Variants in ECT2L observed in about 807,000 individuals in gnomAD.
ECT2L encodes the protein epithelial cell-transforming sequence 2 oncogene-like.
ECT2L carries 126 observed loss-of-function variants against 122.8 expected under a neutral mutation model. That is an observed-to-expected ratio of 1.03 (90% CI 0.89 to 1.19). The LOEUF (loss-of-function observed/expected upper bound fraction) is 1.19. Ranked by LOEUF, ECT2L falls within the 50% of genes most tolerant of loss-of-function variation. The pLI is 0.00. For missense variants in ECT2L, 1,012 were observed against 1,064.1 expected (o/e 0.95, Z 0.68); for synonymous variants, 385 against 381.8 (o/e 1.01, Z -0.10).
In ECT2L at chr6:138,822,626, A is replaced by G. The variant is rs1776304612; in HGVS notation, c.179+8023A>G. 5.2e-6 allele frequency: 4 copies of G among 776,630 alleles called. 1 individual carries two copies. The South Asian group carries it at 7.8e-5, about 15-fold the overall frequency. 48.1% of individuals were successfully genotyped at this position (776,630 alleles called of 1,614,324 possible). ...GAAAAAGGACTGGGTCAGCAAGAATAAAAACACAAAACAGCTGGAGGAGCC... is the reference window on the plus strand; with the variant it reads ...GAAAAAGGACTGGGTCAGCAAGAATGAAAACACAAAACAGCTGGAGGAGCC... On this transcript the variant is annotated intron_variant, in intron 4 of 21. Coordinates refer to ENST00000541398, the MANE Select transcript of ECT2L (RefSeq NM_001077706.3).
chr6:138,882,718 C>T lies in ECT2L; in HGVS notation c.1881-6C>T, dbSNP rs368214235. 8.4e-5 allele frequency: 136 copies of T among 1,613,428 alleles called. No individual in the cohort carries two copies. The African/African-American group carries it at 1.0e-3, about 12-fold the overall frequency. ...ATTTCATGCTTATGCTCTTCTCATA[C>T]CACAGGCAGTTTCTAGATAACCTGA... On this transcript the variant is annotated splice_polypyrimidine_tract_variant and splice_region_variant and intron_variant, in intron 15 of 21. Transcript: ENST00000541398.
chr6:138,893,018 T>C (rs1779083514), intron 20 of ECT2L, among the ~76,000 whole-genome samples: 1 of 152,158 alleles, frequency 6.6e-6, no homozygotes, highest in Non-Finnish European at 1.5e-5. Flanking sequence ...GGTCTGAGCC[T>C]TACAGTTATT....
chr6:138,857,196 A>G (rs1470608099), intron 10 of ECT2L, among the ~76,000 whole-genome samples: 1 of 152,072 alleles, frequency 6.6e-6, no homozygotes, highest in Non-Finnish European at 1.5e-5. Flanking sequence ...TCAAATCAGA[A>G]ACACCTGTAG....
At position 138,903,417 on chromosome 6, in the gene ECT2L, T is replaced by C. The variant is rs1309895622; in HGVS notation, c.*790T>C. 1 of 151,724 alleles carries C rather than the reference T, an allele frequency of 6.6e-6. No homozygotes were observed. Among genetic ancestry groups the C allele is most frequent in the Non-Finnish European group, 1.5e-5 (1 of 67,950 alleles). The allele number at this position is 151,724 out of a possible 1,614,324, so 9.4% of individuals were successfully genotyped here. A position where few individuals can be genotyped will look rare whatever the true frequency, so the allele number is the denominator to read the frequency against. Reference sequence around the variant, plus strand: ...TACAAATGGCAATTTACTCAAAAACTTGTCACACTTATCCTTAGTATGAAT... The same window carrying C: ...TACAAATGGCAATTTACTCAAAAACCTGTCACACTTATCCTTAGTATGAAT... On this transcript the variant is annotated 3_prime_UTR_variant, in exon 22 of 22. Transcript: ENST00000541398.
chr6:138,837,683 CCA>C (rs1165371563), intron 4 of ECT2L, among the ~76,000 whole-genome samples: 9 of 151,168 alleles, frequency 6.0e-5, no homozygotes, highest in African/African-American at 2.2e-4. Context: ...CCAAAAACGT[CCA>C]CACACAAGAA....
intron 8 of ECT2L, among the ~76,000 whole-genome samples, chr6:138,848,667 TC>T (rs1359135895): frequency 3.9e-5 from 6 of 152,178 alleles, no homozygotes; most frequent in Non-Finnish European, 8.8e-5. Flanking sequence ...CAAGATCAGA[TC>T]CTTGATCTCC....
intron 11 of ECT2L, among the ~76,000 whole-genome samples, chr6:138,862,934 C>G (rs912078414): frequency 1.3e-5 from 2 of 152,104 alleles, no homozygotes. Flanking sequence ...CATATTTGCC[C>G]CAAATCATCA....
At chr6:138,797,655 C>CA (rs1775390484) in intron 1 of ECT2L, among the ~76,000 whole-genome samples, 1 of 150,422 alleles carries the variant, frequency 6.6e-6, no homozygotes, top group African/African-American at 2.4e-5. Flanking sequence ...AAAAAAAAAA[C>CA]AAAAAACTTT....
At chr6:138,878,109 G>A (rs1343822534) in intron 14 of ECT2L, among the ~76,000 whole-genome samples, 3 of 152,042 alleles carry the variant, frequency 2.0e-5, no homozygotes, top group Non-Finnish European at 4.4e-5. Context: ...ACAACAAGGT[G>A]TTTGACTTGA....
At chr6:138,879,845 C>T (rs1188858) in intron 14 of ECT2L, among the ~76,000 whole-genome samples, 57,323 of 151,852 alleles carry the variant, frequency 0.38, 11,203 homozygotes, top group Admixed American at 0.47. Context: ...CCCAGCTACT[C>T]GGGAGGCTGA....
At chr6:138,867,999 CAAAA>C (rs754296302) in intron 12 of ECT2L, 100 bp from the exon 13 acceptor site, 925 of 334,676 alleles carry the variant, frequency 2.8e-3, no homozygotes, top group Middle Eastern at 0.011. Flanking sequence ...GATTCTGTCT[CAAAA>C]AAAAAAAAAA....
intron 4 of ECT2L, among the ~76,000 whole-genome samples, chr6:138,836,834 G>A (rs1562465616): frequency 6.6e-6 from 1 of 151,980 alleles, no homozygotes; most frequent in Non-Finnish European, 1.5e-5. Context: ...CAGTGGGAGT[G>A]ACTTTATTAA....
chr6:138,888,006 G>A (rs1778886038), intron 19 of ECT2L, among the ~76,000 whole-genome samples: 1 of 152,158 alleles, frequency 6.6e-6, no homozygotes, highest in African/African-American at 2.4e-5. Flanking sequence ...GCCTTCTCAT[G>A]TCTGGCACAT....
intron 4 of ECT2L, among the ~76,000 whole-genome samples, chr6:138,816,260 G>T (rs1040005265): frequency 1.3e-5 from 2 of 152,108 alleles, no homozygotes; most frequent in African/African-American, 4.8e-5. Flanking sequence ...AGATCTTATG[G>T]TATATTTTGA....
intron 10 of ECT2L, among the ~76,000 whole-genome samples, chr6:138,861,152 A>G (rs960256634): frequency 6.6e-6 from 1 of 152,128 alleles, no homozygotes; most frequent in African/African-American, 2.4e-5. Flanking sequence ...GGTTGGTTCC[A>G]AGTCTTTGCT....
chr6:138,835,504 A>G (rs1776801187), intron 4 of ECT2L, among the ~76,000 whole-genome samples: 1 of 151,204 alleles, frequency 6.6e-6, no homozygotes, highest in East Asian at 1.9e-4. Context: ...GTGAACTGAG[A>G]TTGCGCCACT....
rs141174751 is a variant in ECT2L, at chr6:138,804,948, G to A, written c.-243-7890G>A. On this transcript the variant is annotated intron_variant, in intron 1 of 21. Coordinates refer to ENST00000541398, the MANE Select transcript of ECT2L (RefSeq NM_001077706.3). ...GGGAAGTCTAGGGCTCCCTCTCTAC[G>A]TCAGCACCAGCATGCAGAATAACCT... Among the ~76,000 whole-genome samples, 319 of 152,120 alleles carry A rather than the reference G, an allele frequency of 2.1e-3. 1 individual carries two copies. The highest frequency in any genetic ancestry group is 0.018 in the South Asian group (86 of 4,806).
rs184795504 is a variant in ECT2L, at chr6:138,843,063, C to T, written c.427C>T (p.Arg143Cys). 1,668 of 1,613,624 alleles carry T rather than the reference C, an allele frequency of 1.0e-3. 2 individuals carry two copies. The highest frequency in any genetic ancestry group is 1.2e-3 in the Non-Finnish European group (1,406 of 1,179,714). ...PTDNEYGAWK[R>C]HYIACVSHLD... The stretch of plus-strand genomic sequence containing the variant: ...AGATAATGAGTATGGTGCTTGGAAG[C>T]GCCATTACATTGCTTGTGTGTCCCA... The change falls in exon 6 of 22, where the codon CGC becomes TGC. Residue 143 changes from arginine (R) to cysteine (C), a missense_variant. By Grantham distance (180) the Arg-to-Cys change is radical (BLOSUM62 -3). Coordinates refer to ENST00000541398, the MANE Select transcript of ECT2L (RefSeq NM_001077706.3).
chr6:138,873,808 AAAC>A (rs1778339640), intron 13 of ECT2L, among the ~76,000 whole-genome samples: 1 of 151,830 alleles, frequency 6.6e-6, no homozygotes, highest in South Asian at 2.1e-4. Context: ...AAAATAAACA[AAAC>A]AAAAAAAACA....
Sources: gnomAD v4.1 joint callset for allele counts (sites outside exome capture counted in the v4.1 genomes callset) on GRCh38, gnomAD v4.1.1 for gene constraint, MANE v1.5 for transcripts, NCBI Gene and HGNC (gene_info 2026-07-23, HGNC 2026-07-21) for gene names.